Variants in TBCD observed in about 807,000 individuals in gnomAD.
TBCD encodes tubulin-specific chaperone D.
TBCD carries 105 observed loss-of-function variants against 169.3 expected under a neutral mutation model. The ratio of observed to expected loss-of-function variants is 0.62; its 90% CI spans 0.53 to 0.73. The LOEUF (loss-of-function observed/expected upper bound fraction) is 0.73, where lower values mean the gene tolerates loss of function less well. Among genes scored for constraint, TBCD ranks in the 30% least tolerant of loss-of-function variants. The probability of loss-of-function intolerance (pLI) is 0.00; values close to 1 mark genes in which losing one functional copy is unlikely to be tolerated. For missense variants in TBCD, 1,444 were observed against 1,600.1 expected (o/e 0.90, Z 1.66); for synonymous variants, 700 against 643.9 (o/e 1.09, Z -1.32).
At chr17:82,901,414 G>A (rs1159249966) in intron 18 of TBCD, among the ~76,000 whole-genome samples, 1 of 152,212 alleles carries the variant, frequency 6.6e-6, no homozygotes, top group African/African-American at 2.4e-5. Context: ...TTGGTGTGAT[G>A]TGGAGGGGGT....
At chr17:82,872,388 G>T (rs1469730308) in intron 14 of TBCD, among the ~76,000 whole-genome samples, 1 of 152,224 alleles carries the variant, frequency 6.6e-6, no homozygotes, top group Non-Finnish European at 1.5e-5. Context: ...AGCGCTGCTG[G>T]GCAGGGGCTT....
intron 9 of TBCD, among the ~76,000 whole-genome samples, chr17:82,804,972 T>C (rs1217333183): frequency 6.6e-6 from 1 of 152,232 alleles, no homozygotes; most frequent in Non-Finnish European, 1.5e-5. Flanking sequence ...CTAAGCTGTT[T>C]GTCCTCTGGG....
At chr17:82,753,692 G>C (rs1314872391) in intron 1 of TBCD, among the ~76,000 whole-genome samples, 3 of 151,080 alleles carry the variant, frequency 2.0e-5, no homozygotes, top group Non-Finnish European at 4.4e-5. Context: ...GACCTCAAGT[G>C]GTCGCCCGAC....
chr17:82,855,422 G>A (rs763152745), intron 13 of TBCD, among the ~76,000 whole-genome samples: 14 of 151,574 alleles, frequency 9.2e-5, no homozygotes, highest in South Asian at 8.4e-4. Context: ...GCATGCTACC[G>A]TGCCCGGCTA....
intron 13 of TBCD, among the ~76,000 whole-genome samples, chr17:82,861,789 T>A (rs1481960471): frequency 6.6e-6 from 1 of 152,240 alleles, no homozygotes; most frequent in East Asian, 1.9e-4. Flanking sequence ...ATGGGAATTT[T>A]AATAGGGAAT....
intron 17 of TBCD, among the ~76,000 whole-genome samples, chr17:82,897,723 G>T (rs571136842): frequency 2.0e-5 from 3 of 152,296 alleles, no homozygotes; most frequent in East Asian, 1.9e-4. Context: ...ACCTCCTGTC[G>T]CTGGGGCTCC....
At position 82,920,543 on chromosome 17, in the gene TBCD, T is replaced by A. The variant is rs1002947105; in HGVS notation, c.2039-13T>A. 8.5e-6 allele frequency: 13 copies of A among 1,532,316 alleles called. No homozygotes were observed. The highest frequency in any genetic ancestry group is 1.1e-5 in the Non-Finnish European group (13 of 1,143,206). The allele number at this position is 1,532,316 out of a possible 1,614,324, so 94.9% of individuals were successfully genotyped here. A position where few individuals can be genotyped will look rare whatever the true frequency, so the allele number is the denominator to read the frequency against. On this transcript the variant is annotated splice_polypyrimidine_tract_variant and intron_variant, in intron 23 of 38. Transcript: ENST00000355528. This position sits in a 1 kb window ranked among gnomAD's most constrained non-coding sequence, Gnocchi z 4.1. ...AGTAACATTGCGTCTATCCTTTTTTTTTTTTTTTCCAGTGTGTGTTTTAAT... is the reference window on the plus strand; with the variant it reads ...AGTAACATTGCGTCTATCCTTTTTTATTTTTTTTCCAGTGTGTGTTTTAAT...
At chr17:82,767,486 G>C (rs1032931093) in intron 4 of TBCD, among the ~76,000 whole-genome samples, 1 of 151,934 alleles carries the variant, frequency 6.6e-6, no homozygotes, top group African/African-American at 2.4e-5. Context: ...TTCTTGCCCA[G>C]GTTGGAGAGC....
chr17:82,861,659 C>G (rs1027998190), intron 13 of TBCD, among the ~76,000 whole-genome samples: 1 of 152,126 alleles, frequency 6.6e-6, no homozygotes, highest in Non-Finnish European at 1.5e-5. Context: ...GAGAAGGTTT[C>G]CCTCTAAAGA....
rs1481402952 is a variant in TBCD, at chr17:82,806,450, TCTC to T, written c.1087+445_1087+447del. On this transcript the variant is annotated intron_variant, in intron 10 of 38. Coordinates refer to ENST00000355528, the MANE Select transcript of TBCD (RefSeq NM_005993.5). The surrounding 1 kb of genome is among the most constrained non-coding windows in gnomAD (Gnocchi z 5.1). ...CAGGGGTCTCCATCCACTGCCCTGT[TCTC>T]CTCCTGTGGGGTCTCCTGCTGCACA... Among the ~76,000 whole-genome samples, 3 of 152,058 alleles carry T rather than the reference TCTC, an allele frequency of 2.0e-5. No homozygotes were observed. The highest frequency in any genetic ancestry group is 4.4e-5 in the Non-Finnish European group (3 of 67,994).
At position 82,884,058 on chromosome 17, in the gene TBCD, G is replaced by T; in HGVS notation, c.1476-87G>T. 3 of 1,341,330 alleles carry T rather than the reference G, an allele frequency of 2.2e-6. No homozygotes were observed. Among genetic ancestry groups the T allele is most frequent in the Admixed American group, 4.0e-5 (2 of 50,288 alleles). The allele number at this position is 1,341,330 out of a possible 1,614,324, so 83.1% of individuals were successfully genotyped here. ...TCTGAACCTCAAGTGGGCCTGAGTC[G>T]TGAGAGAAAGGCTTTCTCATCGATA... On this transcript the variant is annotated intron_variant, in intron 14 of 38. Coordinates refer to ENST00000355528, the MANE Select transcript of TBCD (RefSeq NM_005993.5). This position sits in a 1 kb window ranked among gnomAD's most constrained non-coding sequence, Gnocchi z 4.2.
intron 38 of TBCD, chr17:82,941,704 C>T (rs986482515): frequency 6.3e-5 from 34 of 537,350 alleles, no homozygotes; most frequent in African/African-American, 5.9e-5. Flanking sequence ...TGCTCTGGGG[C>T]GTTTGGGGGG....
At chr17:82,770,084 G>A (rs1409743883) in intron 5 of TBCD, among the ~76,000 whole-genome samples, 2 of 152,168 alleles carry the variant, frequency 1.3e-5, no homozygotes, top group African/African-American at 4.8e-5. Context: ...GAATCCAGGC[G>A]GTTTATCTGG....
intron 13 of TBCD, among the ~76,000 whole-genome samples, chr17:82,844,335 G>A (rs2054821076): frequency 6.6e-6 from 1 of 151,976 alleles, no homozygotes; most frequent in African/African-American, 2.4e-5. Flanking sequence ...TGGGACTGCA[G>A]GAGCGCCATG....
At chr17:82,768,667 C>T in intron 5 of TBCD, 101 bp downstream of exon 5, 1 of 1,310,254 alleles carries the variant, frequency 7.6e-7, no homozygotes, top group Non-Finnish European at 1.0e-6. Flanking sequence ...GATATGTATT[C>T]AACTGCTGTT....
At chr17:82,882,273 C>T (rs1031578308) in intron 14 of TBCD, among the ~76,000 whole-genome samples, 4 of 152,234 alleles carry the variant, frequency 2.6e-5, no homozygotes, top group Non-Finnish European at 4.4e-5. Context: ...CCTGTTTCTC[C>T]TGCCTCCTTC....
At chr17:82,867,645 G>C (rs1201253623) in intron 13 of TBCD, among the ~76,000 whole-genome samples, 4 of 152,224 alleles carry the variant, frequency 2.6e-5, no homozygotes, top group Non-Finnish European at 4.4e-5. Context: ...GGTTTAGTTC[G>C]GATCGAGGTA....
chr17:82,909,234 T>C (rs2060449267), intron 21 of TBCD, 51 bp from the exon 22 acceptor site: 9 of 1,349,594 alleles, frequency 6.7e-6, no homozygotes, highest in Non-Finnish European at 9.3e-6. Context: ...AACGTATACG[T>C]ATTATTTTAA....
At chr17:82,939,592 C>T in intron 37 of TBCD, 116 bp downstream of exon 37, 1 of 812,314 alleles carries the variant, frequency 1.2e-6, no homozygotes, top group East Asian at 2.7e-5. Flanking sequence ...AAAGAGGGTT[C>T]CCAGGTCTCC....
Sources: gnomAD v4.1 joint callset for allele counts (sites outside exome capture counted in the v4.1 genomes callset) on GRCh38, gnomAD v4.1.1 for gene constraint, Gnocchi (gnomAD v3.1) non-coding constraint, MANE v1.5 for transcripts, NCBI Gene and HGNC (gene_info 2026-07-23, HGNC 2026-07-21) for gene names.